Variants in COL16A1 observed in about 807,000 individuals in gnomAD.
COL16A1 encodes the protein collagen alpha-1(XVI) chain.
Under a neutral mutation model 266.3 loss-of-function variants are expected in COL16A1, and 189 were observed. That is an observed-to-expected ratio of 0.71 (90% CI 0.63 to 0.80). The LOEUF is 0.80. Ranked by LOEUF, COL16A1 falls within the 30% of genes least tolerant of loss-of-function variation. The pLI, the probability that COL16A1 is intolerant of heterozygous loss-of-function variation, is 0.00. For synonymous variants in COL16A1, 740 were observed against 782.3 expected, an observed-to-expected ratio of 0.95 and a Z score of 0.90; for missense variants, 1,928 against 2,122.4, an observed-to-expected ratio of 0.91 and a Z score of 1.80.
chr1:31,662,668 A>AGGGGGGGGGGGGGGGGGGGGGGGGGGGG lies in COL16A1; in HGVS notation c.3556-11_3556-10insCCCCCCCCCCCCCCCCCCCCCCCCCCCC. 4 of 1,407,798 alleles carry AGGGGGGGGGGGGGGGGGGGGGGGGGGGG rather than the reference A, an allele frequency of 2.8e-6. No individual in the cohort carries two copies. The highest frequency in any genetic ancestry group is 3.9e-6 in the Non-Finnish European group (4 of 1,035,188). The allele number at this position is 1,407,798 out of a possible 1,614,324, so 87.2% of individuals were successfully genotyped here. ...GAATCCCTTCGCTGCCCTGGAAACC[A>AGGGGGGGGGGGGGGGGGGGGGGGGGGGG]GCGCCGCCCCCCCCCCCCGCCCCAC... On this transcript the variant is annotated splice_polypyrimidine_tract_variant and intron_variant, in intron 56 of 70. Coordinates refer to ENST00000373672, the MANE Select transcript of COL16A1 (RefSeq NM_001856.4).
chr1:31,681,527 C>T (rs1274316764), intron 37 of COL16A1, among the ~76,000 whole-genome samples: 1 of 152,258 alleles, frequency 6.6e-6, no homozygotes, highest in Non-Finnish European at 1.5e-5. Flanking sequence ...GGGATTTCAG[C>T]CCCTCCAAGA....
Position 31,680,050 on chromosome 1 carries a change from C to G in COL16A1, c.2662G>C (p.Gly888Arg). ...CPSQGDLIFS[G>R]MPGAPGLWMG... is the part of the protein sequence containing the mutation. Reference sequence around the variant, plus strand: ...CTCACAGCGCCACTTACCGGCATGCCAGAGAAGATGAGGTCTCCTTGAGAG... The same window carrying G: ...CTCACAGCGCCACTTACCGGCATGCGAGAGAAGATGAGGTCTCCTTGAGAG... The change falls in exon 40 of 71, where the codon GGC becomes CGC. Residue 888 changes from glycine to arginine, a missense_variant. By Grantham distance (125) the Gly-to-Arg change is moderately radical. This residue lies in a region of COL16A1 where 1,552 missense variants were observed against 1,637.2 expected (regional missense o/e 0.95). Transcript: ENST00000373672. The G allele has an allele frequency of 6.2e-7, 1 of 1,613,946 alleles. No individual in the cohort carries two copies. Among genetic ancestry groups the G allele is most frequent in the Non-Finnish European group, 8.5e-7 (1 of 1,179,936 alleles).
intron 17 of COL16A1, 29 bp from the exon 18 acceptor site, chr1:31,691,671 A>C (rs1644276543): frequency 6.2e-7 from 1 of 1,609,228 alleles, no homozygotes; most frequent in East Asian, 2.2e-5. Context: ...GAGGGTGTAC[A>C]AACAGCCCTG....
chr1:31,698,605 T>A lies in COL16A1; in HGVS notation c.268A>T (p.Arg90Ter), dbSNP rs2228550. 34 of 1,613,452 alleles carry A rather than the reference T, an allele frequency of 2.1e-5. No homozygotes were observed. Among genetic ancestry groups the A allele is most frequent in the South Asian group, 5.5e-5 (5 of 91,070 alleles). Residue 90 changes from arginine (R) to a stop codon, truncating the protein, a stop_gained and splice_region_variant, in exon 5 of 71, where the codon AGA (arginine) becomes TGA (stop). Transcript: ENST00000373672. LOFTEE classifies it high-confidence loss of function. This position sits in a 1 kb window ranked among gnomAD's most constrained non-coding sequence, Gnocchi z 4.1. ...GAAPVTQPTR[R>*]VFPRGLPEEF... ...TCCGGGAGACCCCGAGGGAATACTC[T>A]TCTGGAGATGGAGCAGGGAGGGTGC...
chr1:31,695,600 A>T (rs1370196122), intron 10 of COL16A1, among the ~76,000 whole-genome samples, 161 bp downstream of exon 10: 1 of 151,896 alleles, frequency 6.6e-6, no homozygotes, highest in Non-Finnish European at 1.5e-5. Flanking sequence ...CCCCAACCCA[A>T]CGAGAGGCAG....
At chr1:31,689,712 G>T in intron 23 of COL16A1, 29 bp downstream of exon 23, 1 of 1,561,342 alleles carries the variant, frequency 6.4e-7, no homozygotes, top group Non-Finnish European at 8.8e-7. Flanking sequence ...GTTGGGGGAG[G>T]TCCCTCAATG....
At chr1:31,662,973 C>T in intron 56 of COL16A1, 1 of 477,812 alleles carries the variant, frequency 2.1e-6, no homozygotes, top group South Asian at 2.6e-5. Context: ...GAAAGCACAG[C>T]TTCAATCCAC....
At chr1:31,690,241 G>T in intron 22 of COL16A1, 126 bp downstream of exon 22, 1 of 1,435,276 alleles carries the variant, frequency 7.0e-7, no homozygotes, top group Non-Finnish European at 9.4e-7. Context: ...ATCAGAGGAA[G>T]AACGGGTGGG....
intron 10 of COL16A1, 27 bp from the exon 11 acceptor site, chr1:31,695,248 T>A (rs749432335): frequency 2.1e-5 from 34 of 1,612,892 alleles, no homozygotes; most frequent in Non-Finnish European, 2.8e-5. Context: ...GGCGAAGAGG[T>A]CAATTCTGAG....
Position 31,670,476 on chromosome 1 carries a change from C to A in COL16A1, c.3195+126G>T. The A allele has an allele frequency of 8.2e-7, 1 of 1,216,008 alleles. No homozygotes were observed. The highest frequency in any genetic ancestry group is 1.1e-6 in the Non-Finnish European group (1 of 944,316). The allele number at this position is 1,216,008 out of a possible 1,614,324, so 75.3% of individuals were successfully genotyped here. On this transcript the variant is annotated intron_variant, in intron 49 of 70. Coordinates refer to ENST00000373672, the MANE Select transcript of COL16A1 (RefSeq NM_001856.4). The surrounding 1 kb of genome is among the most constrained non-coding windows in gnomAD (Gnocchi z 4.5). Reference sequence around the variant, plus strand: ...TCAGAGAACCCGTGTCGTTAGCTACCGTGCCTGAAGGGGGACAACAAACAC... The same window carrying A: ...TCAGAGAACCCGTGTCGTTAGCTACAGTGCCTGAAGGGGGACAACAAACAC...
chr1:31,693,987 A>C (rs2275097), intron 12 of COL16A1, among the ~76,000 whole-genome samples, 157 bp downstream of exon 12: 99,854 of 152,106 alleles, frequency 0.66, 33,119 homozygotes, highest in African/African-American at 0.72. Flanking sequence ...ACACACACAA[A>C]CCCCTGCTTT....
In COL16A1 at chr1:31,697,900, A is replaced by C; in HGVS notation, c.657+6T>G. ...AACAGAGGTCAGGGCCTGACCTAGCACTCACCGAGACAGGCTTGCCCTGCT... is the reference window on the plus strand; with the variant it reads ...AACAGAGGTCAGGGCCTGACCTAGCCCTCACCGAGACAGGCTTGCCCTGCT... On this transcript the variant is annotated splice_donor_region_variant and intron_variant, in intron 6 of 70. Transcript: ENST00000373672. This position sits in a 1 kb window ranked among gnomAD's most constrained non-coding sequence, Gnocchi z 4.2. The C allele has an allele frequency of 6.2e-7, 1 of 1,607,452 alleles. No individual in the cohort carries two copies.
In COL16A1 at chr1:31,652,380, A is replaced by T; in HGVS notation, c.*271T>A. 1 of 257,554 alleles carries T rather than the reference A, an allele frequency of 3.9e-6. No individual in the cohort carries two copies. The allele number at this position is 257,554 out of a possible 1,614,324, so 16.0% of individuals were successfully genotyped here. A position where few individuals can be genotyped will look rare whatever the true frequency, so the allele number is the denominator to read the frequency against. ...CAGCCCCTTGAATAGCTAGGATTACAGGTATATGCCCCTGTACCCAAAATG... is the reference window on the plus strand; with the variant it reads ...CAGCCCCTTGAATAGCTAGGATTACTGGTATATGCCCCTGTACCCAAAATG... On this transcript the variant is annotated 3_prime_UTR_variant, in exon 71 of 71. Transcript: ENST00000373672. This position sits in a 1 kb window ranked among gnomAD's most constrained non-coding sequence, Gnocchi z 4.8.
chr1:31,695,433 C>T (rs1390454768), intron 10 of COL16A1, among the ~76,000 whole-genome samples: 1 of 148,934 alleles, frequency 6.7e-6, no homozygotes, highest in African/African-American at 2.5e-5. Context: ...AACTGAAGCC[C>T]AGAGAGGAAT....
chr1:31,692,935 C>T, intron 13 of COL16A1, 127 bp from the exon 14 acceptor site: 2 of 1,040,968 alleles, frequency 1.9e-6, no homozygotes. Flanking sequence ...GCTTCTACAC[C>T]CAAACCCCTA....
Position 31,697,899 on chromosome 1 carries a change from C to T in COL16A1, c.657+7G>A, listed in dbSNP as rs549358866. 1.5e-4 allele frequency: 235 copies of T among 1,607,206 alleles called. 3 individuals are homozygous for T. The South Asian group carries it at 2.2e-3, about 15-fold the overall frequency. ...GAACAGAGGTCAGGGCCTGACCTAG[C>T]ACTCACCGAGACAGGCTTGCCCTGC... On this transcript the variant is annotated splice_region_variant and intron_variant, in intron 6 of 70. Transcript: ENST00000373672. This position sits in a 1 kb window ranked among gnomAD's most constrained non-coding sequence, Gnocchi z 4.2.
At chr1:31,691,130 T>C (rs1329033354) in intron 20 of COL16A1, 58 bp downstream of exon 20, 6 of 1,582,236 alleles carry the variant, frequency 3.8e-6, no homozygotes, top group Non-Finnish European at 5.1e-6. Context: ...CGGCCCCTTC[T>C]CTCTCCTCCT....
intron 2 of COL16A1, among the ~76,000 whole-genome samples, 164 bp downstream of exon 2, chr1:31,701,957 G>T (rs1040154451): frequency 6.6e-6 from 1 of 152,056 alleles, no homozygotes; most frequent in Non-Finnish European, 1.5e-5. Context: ...CTGCACACAG[G>T]CTCAAGGGTG....
Position 31,668,980 on chromosome 1 carries a change from C to T in COL16A1, c.3196-125G>A, listed in dbSNP as rs1470270734. The stretch of plus-strand genomic sequence containing the variant: ...CAAATATGGAGGCCATAGTGGCTCT[C>T]GTAGTGTCCCTAGAAGGTGACCCGT... On this transcript the variant is annotated intron_variant, in intron 49 of 70. Transcript: ENST00000373672. The surrounding 1 kb of genome is among the most constrained non-coding windows in gnomAD (Gnocchi z 5.8). 1 of 798,346 alleles carries T rather than the reference C, an allele frequency of 1.3e-6. No homozygotes were observed. The highest frequency in any genetic ancestry group is 2.0e-6 in the Non-Finnish European group (1 of 504,232). 49.5% of individuals were successfully genotyped at this position (798,346 alleles called of 1,614,324 possible).
Sources: gnomAD v4.1 joint callset for allele counts (sites outside exome capture counted in the v4.1 genomes callset) on GRCh38, gnomAD v4.1.1 for gene constraint, gnomAD v4.1.1 regional missense constraint, Gnocchi (gnomAD v3.1) non-coding constraint, MANE v1.5 for transcripts, NCBI Gene and HGNC (gene_info 2026-07-23, HGNC 2026-07-21) for gene names.